RECQL5: variants seen among roughly 807,000 people sequenced by gnomAD.
The protein encoded by RECQL5 is ATP-dependent DNA helicase Q5.
RECQL5 carries 88 observed loss-of-function variants against 103.4 expected under a neutral mutation model. The observed-to-expected ratio is 0.85, with a 90% CI of 0.72 to 1.02. RECQL5 has a LOEUF of 1.02. Ranked by LOEUF, RECQL5 falls within the 50% of genes least tolerant of loss-of-function variation. RECQL5 has a pLI of 0.00. For synonymous variants in RECQL5, 552 were observed against 507.9 expected, an observed-to-expected ratio of 1.09 and a Z score of -1.17; for missense variants, 1,232 against 1,284.3, an observed-to-expected ratio of 0.96 and a Z score of 0.62.
In RECQL5 at chr17:75,629,388, T is replaced by C. The variant is rs1166645835; in HGVS notation, c.2035A>G (p.Arg679Gly). 1 of 1,510,460 alleles carries C rather than the reference T, an allele frequency of 6.6e-7. No individual in the cohort carries two copies. The highest frequency in any genetic ancestry group is 1.8e-4 in the Middle Eastern group (1 of 5,578). The allele number at this position is 1,510,460 out of a possible 1,614,324, so 93.6% of individuals were successfully genotyped here. A position where few individuals can be genotyped will look rare whatever the true frequency, so the allele number is the denominator to read the frequency against. ...CGCTCGGGCTGGGGGGCTTGCTCCC[T>C]GATCCGAGTTGTCTCCATCAGTTCC... ...ATELMETTRIREQAPQPERGG... is the reference protein window; with the variant it reads ...ATELMETTRIGEQAPQPERGG... The change falls in exon 16 of 20, where the codon AGG (arginine) becomes GGG (glycine). Residue 679 changes from arginine (R) to glycine (G), a missense_variant. By Grantham distance (125) the Arg-to-Gly change is moderately radical. Transcript: ENST00000317905.
At chr17:75,655,427 A>G (rs891809734) in intron 7 of RECQL5, among the ~76,000 whole-genome samples, 1 of 142,364 alleles carries the variant, frequency 7.0e-6, no homozygotes, top group Non-Finnish European at 1.5e-5. Flanking sequence ...GCAGTGGTGC[A>G]ATCTGGGCTC....
chr17:75,627,131 T>C lies in RECQL5; in HGVS notation c.*291A>G. The C allele has an allele frequency of 1.8e-6, 1 of 541,622 alleles. No individual in the cohort carries two copies. The highest frequency in any genetic ancestry group is 1.5e-5 in the South Asian group (1 of 65,292). 33.6% of individuals were successfully genotyped at this position (541,622 alleles called of 1,614,324 possible). A position where few individuals can be genotyped will look rare whatever the true frequency, so the allele number is the denominator to read the frequency against. On this transcript the variant is annotated 3_prime_UTR_variant, in exon 20 of 20. Coordinates refer to ENST00000317905, the MANE Select transcript of RECQL5 (RefSeq NM_004259.7). Reference sequence around the variant, plus strand: ...GAGGGGCCACTCTTCCTTCCCCTTCTTCCAGCAGCAGCTCCACCACCCTCC... The same window carrying C: ...GAGGGGCCACTCTTCCTTCCCCTTCCTCCAGCAGCAGCTCCACCACCCTCC...
intron 3 of RECQL5, 120 bp downstream of exon 3, chr17:75,664,926 AAAAAG>A: frequency 7.3e-7 from 1 of 1,361,698 alleles, no homozygotes; most frequent in Non-Finnish European, 9.6e-7. Flanking sequence ...AAAAAAAAAA[AAAAAG>A]GAAAAAGAAA....
In RECQL5 at chr17:75,630,612, AACTC is replaced by A. The variant is rs758427379; in HGVS notation, c.1718+3_1718+6del. The A allele has an allele frequency of 8.1e-6, 13 of 1,613,456 alleles. No homozygotes were observed. Among genetic ancestry groups the A allele is most frequent in the South Asian group, 1.1e-5 (1 of 91,074 alleles). On this transcript the variant is annotated splice_donor_5th_base_variant and intron_variant, in intron 13 of 19. Coordinates refer to ENST00000317905, the MANE Select transcript of RECQL5 (RefSeq NM_004259.7). ...GTGCTCCTCAGCCCAGTGATCGTGG[AACTC>A]ACTCATCAGCGGTACGTGTTGACTG...
chr17:75,633,487 G>A (rs1229740437), intron 8 of RECQL5: 1 of 1,289,054 alleles, frequency 7.8e-7, no homozygotes, highest in South Asian at 1.2e-5. Context: ...CGCCTTGCCG[G>A]GCGCGCAGGC....
Position 75,640,692 on chromosome 17 carries a change from G to T in RECQL5, c.1230-9024C>A. 2 of 1,495,254 alleles carry T rather than the reference G, an allele frequency of 1.3e-6. No homozygotes were observed. The highest frequency in any genetic ancestry group is 2.6e-5 in the South Asian group (2 of 77,354). The allele number at this position is 1,495,254 out of a possible 1,614,324, so 92.6% of individuals were successfully genotyped here. A position where few individuals can be genotyped will look rare whatever the true frequency, so the allele number is the denominator to read the frequency against. On this transcript the variant is annotated intron_variant, in intron 8 of 19. Transcript: ENST00000317905. The surrounding 1 kb of genome is among the most constrained non-coding windows in gnomAD (Gnocchi z 4.6). ...TCTTTCTGACCTCCACCAAACCTGT[G>T]GGGGAAAGACCCTGGCAGGCAGTGG...
chr17:75,661,991 G>A (rs897489180), intron 4 of RECQL5, among the ~76,000 whole-genome samples: 20 of 152,228 alleles, frequency 1.3e-4, no homozygotes, highest in Admixed American at 3.3e-4. Context: ...GAGAAACCCC[G>A]TCTCTGCTAA....
At chr17:75,658,575 A>T in intron 6 of RECQL5, 115 bp from the exon 7 acceptor site, 1 of 922,970 alleles carries the variant, frequency 1.1e-6, no homozygotes, top group East Asian at 2.6e-5. Context: ...GGAGAGGGAT[A>T]GTCCCAGAGT....
chr17:75,649,853 C>G (rs1416109396), intron 8 of RECQL5: 1 of 985,400 alleles, frequency 1.0e-6, no homozygotes, highest in Admixed American at 6.1e-5. Flanking sequence ...ATGCCTGGAC[C>G]CCAGCCCCTG....
At chr17:75,654,740 AT>A (rs2059595397) in intron 7 of RECQL5, among the ~76,000 whole-genome samples, 1 of 151,860 alleles carries the variant, frequency 6.6e-6, no homozygotes, top group Non-Finnish European at 1.5e-5. Context: ...CCAGCTCAGC[AT>A]CCTGAGTAGC....
At chr17:75,647,376 C>A in intron 8 of RECQL5, 1 of 1,547,472 alleles carries the variant, frequency 6.5e-7, no homozygotes, top group Non-Finnish European at 8.7e-7. Flanking sequence ...TCCAGATTCT[C>A]ATGGACCAAC....
intron 5 of RECQL5, 100 bp from the exon 6 acceptor site, chr17:75,661,166 C>T: frequency 1.2e-6 from 1 of 868,090 alleles, no homozygotes; most frequent in Non-Finnish European, 2.0e-6. Flanking sequence ...ACTTCACAAA[C>T]CCTGAATCTT....
intron 2 of RECQL5, among the ~76,000 whole-genome samples, chr17:75,665,967 T>C (rs1276460203): frequency 6.6e-6 from 1 of 152,208 alleles, no homozygotes. Flanking sequence ...AACAAGGGAA[T>C]TACCTAGGAG....
At chr17:75,650,442 G>A in intron 8 of RECQL5, 2 of 1,337,340 alleles carry the variant, frequency 1.5e-6, no homozygotes, top group Non-Finnish European at 1.9e-6. Context: ...CTGAAAATCA[G>A]GAGACGGGTG....
chr17:75,662,398 A>G (rs1385065615), intron 4 of RECQL5, 81 bp downstream of exon 4: 14 of 1,437,412 alleles, frequency 9.7e-6, no homozygotes, highest in African/African-American at 2.9e-5. Flanking sequence ...GAAAAACCAA[A>G]GGTCTTAGAC....
In RECQL5 at chr17:75,629,101, G is replaced by T. The variant is rs2059158464; in HGVS notation, c.2322C>A (p.Ser774Arg). ...CTGGGGCTGATGCCAGCAGAGCTGG[G>T]CTTTCCACCCTTCGGCAGAAGAAGC... ...IARFFCRRVESPALLASAPEA... is the reference protein window; with the variant it reads ...IARFFCRRVERPALLASAPEA... Residue 774 changes from serine to arginine, a missense_variant, in exon 16 of 20, where the codon AGC becomes AGA. By Grantham distance (110) the Ser-to-Arg change is moderately radical (BLOSUM62 -1). Coordinates refer to ENST00000317905, the MANE Select transcript of RECQL5 (RefSeq NM_004259.7). The T allele has an allele frequency of 6.2e-7, 1 of 1,613,560 alleles. No individual in the cohort carries two copies. Among genetic ancestry groups the T allele is most frequent in the African/African-American group, 1.3e-5 (1 of 74,956 alleles).
chr17:75,629,594 C>A, intron 15 of RECQL5, 114 bp downstream of exon 15: 2 of 1,505,772 alleles, frequency 1.3e-6, no homozygotes, highest in South Asian at 1.3e-5. Flanking sequence ...AGGGAAGAGG[C>A]AGGCAGGACC....
At chr17:75,663,452 C>T (rs374460394) in intron 3 of RECQL5, among the ~76,000 whole-genome samples, 3 of 151,774 alleles carry the variant, frequency 2.0e-5, no homozygotes, top group African/African-American at 4.8e-5. Context: ...GAGTTTTGAC[C>T]GCAACCCATC....
chr17:75,633,180 C>T (rs760349294), intron 8 of RECQL5, among the ~76,000 whole-genome samples: 8 of 152,258 alleles, frequency 5.3e-5, no homozygotes, highest in South Asian at 2.1e-4. Flanking sequence ...GCACAGCGGC[C>T]GCCTGTCCAG....
Sources: allele counts gnomAD v4.1 joint callset (sites outside exome capture counted in the v4.1 genomes callset), GRCh38; gene constraint gnomAD v4.1.1; non-coding constraint Gnocchi (gnomAD v3.1); transcripts MANE v1.5; gene names NCBI Gene and HGNC (gene_info 2026-07-23, HGNC 2026-07-21).